ANK3: variants seen among roughly 807,000 people sequenced by gnomAD.
ANK3 encodes ankyrin 3.
ANK3 carries 57 observed loss-of-function variants against 370.9 expected under a neutral mutation model. The ratio of observed to expected loss-of-function variants is 0.15; its 90% CI spans 0.12 to 0.19. The LOEUF (loss-of-function observed/expected upper bound fraction) is 0.19. Ranked by LOEUF, ANK3 falls within the 10% of genes least tolerant of loss-of-function variation. The pLI, the probability that ANK3 is intolerant of heterozygous loss-of-function variation, is 1.00. For missense variants in ANK3, 4,439 were observed against 5,302.1 expected (o/e 0.84, Z 5.06); for synonymous variants, 1,929 against 1,946.3 (o/e 0.99, Z 0.23).
At chr10:60,173,305 T>A in intron 18 of ANK3, 119 bp from the exon 19 acceptor site, 1 of 759,324 alleles carries the variant, frequency 1.3e-6, no homozygotes, top group Non-Finnish European at 2.1e-6. Flanking sequence ...AAGTAGGTTT[T>A]TTTCTTCTCT....
chr10:60,071,531 A>G lies in ANK3; in HGVS notation c.9350T>C (p.Ile3117Thr). 1 of 1,613,476 alleles carries G rather than the reference A, an allele frequency of 6.2e-7. No homozygotes were observed. The highest frequency in any genetic ancestry group is 8.5e-7 in the Non-Finnish European group (1 of 1,179,718). Residue 3117 changes from isoleucine to threonine, a missense_variant, in exon 37 of 44, where the codon ATC (isoleucine) becomes ACC (threonine). Physicochemically the swap from Ile to Thr is moderately conservative, Grantham distance 89. Transcript: ENST00000280772. ...TACTGTCTTACATTCCTGACTTATG[A>G]TTTTTTTTACACCTCCTTGTTGTAT... ...KEIQQGGVKK[I>T]ISQECKTVQE...
intron 2 of ANK3, among the ~76,000 whole-genome samples, chr10:60,485,726 G>A (rs1190719254): frequency 6.6e-6 from 1 of 152,174 alleles, no homozygotes; most frequent in African/African-American, 2.4e-5. Flanking sequence ...TTATTGTGGT[G>A]TATCTCCAGC....
At chr10:60,240,334 C>T (rs35319793) in intron 7 of ANK3, among the ~76,000 whole-genome samples, 49,632 of 134,490 alleles carry the variant, frequency 0.37, 10,605 homozygotes, top group East Asian at 0.5. Flanking sequence ...GATAGAGTTT[C>T]GCTCTTGCTG....
chr10:60,400,446 G>A (rs906496912), intron 2 of ANK3, among the ~76,000 whole-genome samples: 3 of 152,128 alleles, frequency 2.0e-5, no homozygotes, highest in African/African-American at 7.2e-5. Context: ...CACTTTATGA[G>A]TACTTGTGAG....
chr10:60,357,072 C>T (rs1328301384), intron 1 of ANK3, among the ~76,000 whole-genome samples: 5 of 152,184 alleles, frequency 3.3e-5, no homozygotes, highest in African/African-American at 1.2e-4. Flanking sequence ...TGCCCTTGGT[C>T]ACTGGTGATT....
At position 60,554,404 on chromosome 10, in the gene ANK3, G is replaced by A. The variant is rs550846654; in HGVS notation, c.96+60782C>T. On this transcript the variant is annotated intron_variant, in intron 2 of 43. Coordinates refer to the ANK3 transcript ENST00000373827. ...GGTCCTGCTGGGCTCCAAACTGGTGGCAGCTCAAGGAACGAGCCTATAGTG... is the reference window on the plus strand; with the variant it reads ...GGTCCTGCTGGGCTCCAAACTGGTGACAGCTCAAGGAACGAGCCTATAGTG... 4.1e-4 allele frequency among the ~76,000 whole-genome samples: 62 copies of A among 152,204 alleles called. 1 individual carries two copies. In the Middle Eastern group the frequency reaches 0.01, roughly 25 times the overall value.
intron 16 of ANK3, 80 bp downstream of exon 16, chr10:60,196,065 G>T: frequency 7.8e-7 from 1 of 1,286,072 alleles, no homozygotes; most frequent in Non-Finnish European, 1.1e-6. Context: ...GGGTGCTCCT[G>T]CTGAAGCAGA....
At chr10:60,512,615 C>T (rs574961906) in intron 2 of ANK3, among the ~76,000 whole-genome samples, 80 of 152,202 alleles carry the variant, frequency 5.3e-4, no homozygotes, top group African/African-American at 1.7e-3. Context: ...TGGCTTCAGA[C>T]ATTCTTACTC....
intron 2 of ANK3, among the ~76,000 whole-genome samples, chr10:60,558,466 T>C (rs1176939172): frequency 6.6e-6 from 1 of 152,196 alleles, no homozygotes; most frequent in African/African-American, 2.4e-5. Context: ...TGCAGCACAC[T>C]ACCTCTTGCT....
chr10:60,486,432 T>G (rs916752050), intron 2 of ANK3, among the ~76,000 whole-genome samples: 1 of 151,986 alleles, frequency 6.6e-6, no homozygotes, highest in African/African-American at 2.4e-5. Context: ...TGCAAAAAAT[T>G]AGGCTGGGTG....
intron 2 of ANK3, among the ~76,000 whole-genome samples, chr10:60,560,066 T>TAG (rs765176045): frequency 8.7e-5 from 13 of 150,176 alleles, no homozygotes; most frequent in South Asian, 2.1e-4. Context: ...GATAGATGGA[T>TAG]AGAGAGAGAG....
At position 60,075,303 on chromosome 10, in the gene ANK3, T is replaced by G. The variant is rs758926942; in HGVS notation, c.5578A>C (p.Thr1860Pro). 12 of 1,614,058 alleles carry G rather than the reference T, an allele frequency of 7.4e-6. No individual in the cohort carries two copies. Among genetic ancestry groups the G allele is most frequent in the African/African-American group, 1.3e-5 (1 of 74,938 alleles). The change falls in exon 37 of 44, where the codon ACT becomes CCT. Residue 1860 changes from threonine to proline, a missense_variant. This residue lies in a region of ANK3 where 679 missense variants were observed against 791.0 expected (regional missense o/e 0.86). Coordinates refer to ENST00000280772, the MANE Select transcript of ANK3 (RefSeq NM_020987.5). ...TGAGGCTGAGGATGTGTCTCCGTAG[T>G]CAATGTTTTAATGGGTGACAGCAAG... is the stretch of plus-strand genomic sequence containing the variant. ...AALLSPIKTL[T>P]TETHPQPHFS...
Position 60,196,568 on chromosome 10 carries a change from G to A in ANK3, c.1747C>T (p.Leu583Phe). The A allele has an allele frequency of 6.2e-7, 1 of 1,612,940 alleles. No individual in the cohort carries two copies. The highest frequency in any genetic ancestry group is 8.5e-7 in the Non-Finnish European group (1 of 1,179,736). ...AKYGKLEVAN[L>F]LLQKSASPDA... The stretch of plus-strand genomic sequence containing the variant: ...GGAGATGCACTTTTCTGTAGCAGGA[G>A]ATTGGCGACTTCAAGCTTTCCATAT... The change falls in exon 15 of 44, where the codon CTC (leucine) becomes TTC (phenylalanine). Residue 583 changes from leucine (L) to phenylalanine (F), a missense_variant. Leu to Phe is a conservative substitution (Grantham distance 22, BLOSUM62 0). Coordinates refer to ENST00000280772, the MANE Select transcript of ANK3 (RefSeq NM_020987.5).
At chr10:60,276,220 A>AG (rs1592909939) in intron 4 of ANK3, among the ~76,000 whole-genome samples, 1 of 152,156 alleles carries the variant, frequency 6.6e-6, no homozygotes, top group Non-Finnish European at 1.5e-5. Context: ...AAGAAGAGTA[A>AG]GGGGCTCTTT....
At position 60,074,550 on chromosome 10, in the gene ANK3, A is replaced by C; in HGVS notation, c.6331T>G (p.Ser2111Ala). ...SFFGTDTILE[S>A]PDDFSQHDQD... ...TCGTGTTGAGAAAAGTCATCAGGAGACTCTAAAATAGTATCTGTTCCAAAA... is the reference window on the plus strand; with the variant it reads ...TCGTGTTGAGAAAAGTCATCAGGAGCCTCTAAAATAGTATCTGTTCCAAAA... The change falls in exon 37 of 44, where the codon TCT becomes GCT. Residue 2111 changes from serine (S) to alanine (A), a missense_variant. Coordinates refer to ENST00000280772, the MANE Select transcript of ANK3 (RefSeq NM_020987.5). The C allele has an allele frequency of 6.2e-7, 1 of 1,613,794 alleles. No individual in the cohort carries two copies. The highest frequency in any genetic ancestry group is 8.5e-7 in the Non-Finnish European group (1 of 1,179,952).
chr10:60,336,249 G>A (rs192768817), intron 1 of ANK3, among the ~76,000 whole-genome samples: 1 of 152,208 alleles, frequency 6.6e-6, no homozygotes, highest in African/African-American at 2.4e-5. Context: ...TAGGCTGGGA[G>A]AGAGTTGAGC....
intron 2 of ANK3, among the ~76,000 whole-genome samples, chr10:60,546,063 TCTCA>T (rs66626497): frequency 0.49 from 74,748 of 151,614 alleles, 18,693 homozygotes; most frequent in Non-Finnish European, 0.54. Flanking sequence ...AGAGACAAGG[TCTCA>T]CTCTGTCACC....
chr10:60,507,110 A>G (rs1186492615), intron 2 of ANK3, among the ~76,000 whole-genome samples: 1 of 152,104 alleles, frequency 6.6e-6, no homozygotes, highest in Admixed American at 6.6e-5. Context: ...ACACAAATAT[A>G]TACATATATG....
chr10:60,173,895 A>G lies in ANK3; in HGVS notation c.2185-709T>C, dbSNP rs1006348086. On this transcript the variant is annotated intron_variant, in intron 18 of 43. Transcript: ENST00000280772. ...TATATGTGTGTGTATGTATGTGTAT[A>G]CAATCTAGATAATTATTTTCTTTAA... Among the ~76,000 whole-genome samples the G allele has an allele frequency of 9.2e-5, 14 of 152,304 alleles. No individual in the cohort carries two copies. The South Asian group carries it at 2.7e-3, about 29-fold the overall frequency.
Sources: gnomAD v4.1 joint callset for allele counts (sites outside exome capture counted in the v4.1 genomes callset) on GRCh38, gnomAD v4.1.1 for gene constraint, gnomAD v4.1.1 regional missense constraint, MANE v1.5 for transcripts, NCBI Gene and HGNC (gene_info 2026-07-23, HGNC 2026-07-21) for gene names.